ARHGEF18: variants seen among roughly 807,000 people sequenced by gnomAD.
The protein encoded by ARHGEF18 is Rho/Rac guanine nucleotide exchange factor 18, also known as rho guanine nucleotide exchange factor 18.
In ARHGEF18, 93 loss-of-function variants were observed where a neutral mutation model predicts 155.7. The observed-to-expected ratio is 0.60, with a 90% CI of 0.50 to 0.71. ARHGEF18 has a LOEUF of 0.71. Ranked by LOEUF, ARHGEF18 falls within the 30% of genes least tolerant of loss-of-function variation. ARHGEF18 has a pLI of 0.00. For synonymous variants in ARHGEF18, 742 were observed against 753.1 expected, an observed-to-expected ratio of 0.99 and a Z score of 0.24; for missense variants, 1,593 against 1,816.1, an observed-to-expected ratio of 0.88 and a Z score of 2.23.
intron 1 of ARHGEF18, among the ~76,000 whole-genome samples, chr19:7,361,063 GC>G (rs1334144885): frequency 9.2e-5 from 14 of 152,306 alleles, no homozygotes; most frequent in Admixed American, 8.5e-4. Flanking sequence ...CCAAAGCTCT[GC>G]AAGAGGCTCC....
chr19:7,421,381 T>G (rs932781290), intron 10 of ARHGEF18, among the ~76,000 whole-genome samples: 8 of 152,150 alleles, frequency 5.3e-5, no homozygotes, highest in Non-Finnish European at 1.0e-4. Flanking sequence ...ACCCACAGAT[T>G]CAGAGGGCCG....
chr19:7,469,175 T>C, intron 27 of ARHGEF18, 44 bp downstream of exon 27: 1 of 1,526,662 alleles, frequency 6.6e-7, no homozygotes, highest in Non-Finnish European at 8.8e-7. Flanking sequence ...AAGGTGCAAC[T>C]GGTCAGGCTC....
the ARHGEF18 span, chr19:7,478,481 G>A: frequency 8.2e-7 from 1 of 1,220,832 alleles, no homozygotes; most frequent in South Asian, 1.3e-5. Context: ...CTGCATCTCG[G>A]ATAAACGGCC....
intron 2 of ARHGEF18, among the ~76,000 whole-genome samples, chr19:7,367,993 G>GAA (rs1970009616): frequency 1.0e-5 from 1 of 96,184 alleles, no homozygotes; most frequent in East Asian, 3.1e-4. Context: ...GAGAGAGAGA[G>GAA]AGAGAGAGGG....
chr19:7,395,317 G>A lies in ARHGEF18; in HGVS notation c.967+12114G>A. On this transcript the variant is annotated intron_variant, in intron 10 of 28. Coordinates refer to ENST00000668164, the MANE Select transcript of ARHGEF18 (RefSeq NM_001367823.1). The surrounding 1 kb of genome is among the most constrained non-coding windows in gnomAD (Gnocchi z 5.0). ...AGGGGGCCCTCGGTCTCTTCAGGGG[G>A]TGGCCTGGGGCGCGGGACCCCCGGG... 1 of 985,580 alleles carries A rather than the reference G, an allele frequency of 1.0e-6. No homozygotes were observed. Among genetic ancestry groups the A allele is most frequent in the Non-Finnish European group, 1.2e-6 (1 of 830,046 alleles). 61.1% of individuals were successfully genotyped at this position (985,580 alleles called of 1,614,324 possible). A position where few individuals can be genotyped will look rare whatever the true frequency, so the allele number is the denominator to read the frequency against.
chr19:7,451,093 G>A (rs1407868436), intron 15 of ARHGEF18, 56 bp from the exon 16 acceptor site: 2 of 1,363,666 alleles, frequency 1.5e-6, no homozygotes, highest in South Asian at 1.2e-5. Context: ...GTTAATACAG[G>A]ATCTTGCTGT....
chr19:7,392,066 C>T (rs1256336044), intron 10 of ARHGEF18, among the ~76,000 whole-genome samples: 1 of 151,578 alleles, frequency 6.6e-6, no homozygotes, highest in Admixed American at 6.6e-5. Flanking sequence ...CATGGTAAAA[C>T]CCCATCTCTA....
At chr19:7,406,440 C>T (rs1166201395) in intron 10 of ARHGEF18, among the ~76,000 whole-genome samples, 1 of 152,118 alleles carries the variant, frequency 6.6e-6, no homozygotes, top group Non-Finnish European at 1.5e-5. Flanking sequence ...TATAATTTGC[C>T]AAAACGTATG....
At chr19:7,369,047 T>C (rs1970071686) in intron 2 of ARHGEF18, among the ~76,000 whole-genome samples, 1 of 152,138 alleles carries the variant, frequency 6.6e-6, no homozygotes, top group Non-Finnish European at 1.5e-5. Flanking sequence ...AACCTAAAAT[T>C]GACCAGGCGC....
chr19:7,448,128 A>T (rs2145812989), intron 15 of ARHGEF18, among the ~76,000 whole-genome samples: 1 of 152,284 alleles, frequency 6.6e-6, no homozygotes, highest in African/African-American at 2.4e-5. Flanking sequence ...TGTTTGGATG[A>T]CACAAAGGGT....
chr19:7,394,508 T>C (rs1360977272), intron 10 of ARHGEF18, among the ~76,000 whole-genome samples: 1 of 151,952 alleles, frequency 6.6e-6, no homozygotes, highest in Non-Finnish European at 1.5e-5. Flanking sequence ...CATCCGTTGA[T>C]TCTTCCAAAA....
At chr19:7,389,082 C>T (rs1189396324) in intron 10 of ARHGEF18, among the ~76,000 whole-genome samples, 1 of 151,260 alleles carries the variant, frequency 6.6e-6, no homozygotes, top group African/African-American at 2.4e-5. Flanking sequence ...ACTTCTTGGG[C>T]TCAAGAGATC....
intron 1 of ARHGEF18, among the ~76,000 whole-genome samples, chr19:7,357,031 AATC>A (rs1969335114): frequency 6.6e-6 from 1 of 152,180 alleles, no homozygotes; most frequent in Non-Finnish European, 1.5e-5. Flanking sequence ...ATAGAAGAGT[AATC>A]ATCAGGATAA....
At chr19:7,375,421 A>G (rs1970412735) in intron 3 of ARHGEF18, among the ~76,000 whole-genome samples, 1 of 151,948 alleles carries the variant, frequency 6.6e-6, no homozygotes, top group African/African-American at 2.4e-5. Flanking sequence ...AAAAGGAAGG[A>G]AGAAAGGAAG....
chr19:7,443,903 C>CA (rs1974828471), intron 13 of ARHGEF18, among the ~76,000 whole-genome samples: 1 of 139,014 alleles, frequency 7.2e-6, no homozygotes, highest in African/African-American at 2.7e-5. Flanking sequence ...GACTCCATCT[C>CA]AAAGAAAAAA....
chr19:7,466,252 A>T (rs1405705236), intron 23 of ARHGEF18, among the ~76,000 whole-genome samples: 4 of 150,368 alleles, frequency 2.7e-5, no homozygotes, highest in Admixed American at 2.6e-4. Context: ...GCGTGGTGGC[A>T]CATTCGAGTA....
At position 7,444,591 on chromosome 19, in the gene ARHGEF18, G is replaced by T. The variant is rs573373841; in HGVS notation, c.1611+137G>T. ...AGTGGTGCAGTCACAGCTCAATGCA[G>T]CCTCAACCTCTCAGGCTCAGGTGAT... On this transcript the variant is annotated intron_variant, in intron 14 of 28. Coordinates refer to ENST00000668164, the MANE Select transcript of ARHGEF18 (RefSeq NM_001367823.1). The surrounding 1 kb of genome is among the most constrained non-coding windows in gnomAD (Gnocchi z 4.7). 6.3e-6 allele frequency: 8 copies of T among 1,269,448 alleles called. No individual in the cohort carries two copies. The highest frequency in any genetic ancestry group is 2.6e-5 in the Admixed American group (1 of 39,204). The allele number at this position is 1,269,448 out of a possible 1,614,324, so 78.6% of individuals were successfully genotyped here. A position where few individuals can be genotyped will look rare whatever the true frequency, so the allele number is the denominator to read the frequency against.
intron 17 of ARHGEF18, 85 bp from the exon 18 acceptor site, chr19:7,456,242 T>G: frequency 8.1e-7 from 1 of 1,234,440 alleles, no homozygotes; most frequent in African/African-American, 1.5e-5. Context: ...TACACCTTCC[T>G]GGGAAGTGGC....
intron 1 of ARHGEF18, among the ~76,000 whole-genome samples, chr19:7,351,704 CTTT>C (rs1206690292): frequency 1.3e-4 from 1 of 7,818 alleles, no homozygotes. Context: ...CTCTCTCTCT[CTTT>C]TTTTTTTTTT....
Sources: gnomAD v4.1 joint callset for allele counts (sites outside exome capture counted in the v4.1 genomes callset) on GRCh38, gnomAD v4.1.1 for gene constraint, Gnocchi (gnomAD v3.1) non-coding constraint, MANE v1.5 for transcripts, NCBI Gene and HGNC (gene_info 2026-07-23, HGNC 2026-07-21) for gene names.